FBN1: variants seen among roughly 807,000 people sequenced by gnomAD.
FBN1 encodes fibrillin 1.
In FBN1, 29 loss-of-function variants were observed where a neutral mutation model predicts 365.1. That is an observed-to-expected ratio of 0.08 (90% CI 0.06 to 0.11). The LOEUF (loss-of-function observed/expected upper bound fraction) is 0.11. FBN1 is among the 10% of genes least tolerant of loss of function. The pLI is 1.00. For synonymous variants in FBN1, 1,210 were observed against 1,270.5 expected (o/e 0.95, Z 1.01); for missense variants, 2,476 against 3,703.2 (o/e 0.67, Z 8.60).
chr15:48,422,692 C>T (rs546560995), intron 60 of FBN1, among the ~76,000 whole-genome samples: 2 of 152,350 alleles, frequency 1.3e-5, no homozygotes, highest in South Asian at 2.1e-4. Flanking sequence ...AGCGTGGTGG[C>T]TCATGCCTGT....
rs369745372 is a variant in FBN1, at chr15:48,488,226, C to T, written c.3224G>A (p.Arg1075His). ...ERNCTDIDECRISPDLCGRGQ... is the reference protein window; with the variant it reads ...ERNCTDIDECHISPDLCGRGQ... The stretch of plus-strand genomic sequence containing the variant: ...TCTGCCACAGAGGTCAGGAGATATG[C>T]GGCATTCGTCAATGTCTGCACAAAA... The change falls in exon 27 of 66, where the codon CGC becomes CAC. Residue 1075 changes from arginine (R) to histidine (H), a missense_variant. Coordinates refer to ENST00000316623, the MANE Select transcript of FBN1 (RefSeq NM_000138.5). 22 of 1,614,068 alleles carry T rather than the reference C, an allele frequency of 1.4e-5. No homozygotes were observed. Among genetic ancestry groups the T allele is most frequent in the East Asian group, 8.9e-5 (4 of 44,904 alleles).
intron 53 of FBN1, among the ~76,000 whole-genome samples, chr15:48,435,728 G>GTGTA: frequency 7.0e-6 from 1 of 143,838 alleles, no homozygotes; most frequent in Admixed American, 7.0e-5. Context: ...ATATATATGT[G>GTGTA]TATATATATG....
chr15:48,613,215 G>A lies in FBN1; in HGVS notation c.165-123C>T. On this transcript the variant is annotated intron_variant, in intron 2 of 65. Coordinates refer to ENST00000316623, the MANE Select transcript of FBN1 (RefSeq NM_000138.5). ...AGATGAATCCTGGCAGACAGATAAA[G>A]CAAACTCATGAGACTCAATGCTGGG... The A allele has an allele frequency of 4.0e-6, 3 of 741,826 alleles. No homozygotes were observed. The South Asian group carries it at 4.5e-5, about 11-fold the overall frequency. The allele number at this position is 741,826 out of a possible 1,614,324, so 46.0% of individuals were successfully genotyped here.
chr15:48,415,930 A>G (rs1017450946), intron 63 of FBN1, among the ~76,000 whole-genome samples, 163 bp from the exon 64 acceptor site: 2 of 152,190 alleles, frequency 1.3e-5, no homozygotes, highest in African/African-American at 4.8e-5. Context: ...GCAGAGAAAG[A>G]TGCGGGCATG....
At chr15:48,638,095 C>T (rs1016447023) in intron 2 of FBN1, among the ~76,000 whole-genome samples, 13 of 151,190 alleles carry the variant, frequency 8.6e-5, no homozygotes, top group African/African-American at 3.2e-4. Flanking sequence ...AGTGCAGTGG[C>T]ATGATCATAG....
intron 32 of FBN1, 102 bp from the exon 33 acceptor site, chr15:48,474,752 T>G (rs1279652682): frequency 6.8e-7 from 1 of 1,463,700 alleles, no homozygotes; most frequent in African/African-American, 1.4e-5. Context: ...AAACTTCCCA[T>G]GGTATAGTAT....
chr15:48,481,826 T>C (rs554277895), intron 31 of FBN1, 46 bp from the exon 32 acceptor site: 25 of 1,554,422 alleles, frequency 1.6e-5, no homozygotes, highest in South Asian at 3.3e-5. Context: ...TTTGATATCA[T>C]TGAGTACTTT....
At chr15:48,459,383 C>T (rs1177923423) in intron 43 of FBN1, among the ~76,000 whole-genome samples, 1 of 152,142 alleles carries the variant, frequency 6.6e-6, no homozygotes, top group African/African-American at 2.4e-5. Context: ...ACTGTGGAGC[C>T]ATATGGATTT....
At chr15:48,455,940 G>A (rs950925603) in intron 44 of FBN1, among the ~76,000 whole-genome samples, 3 of 152,116 alleles carry the variant, frequency 2.0e-5, no homozygotes, top group Middle Eastern at 3.2e-3. Context: ...GAGGCCTGAA[G>A]TGTAAGTATT....
At chr15:48,439,280 C>G (rs186920691) in intron 50 of FBN1, among the ~76,000 whole-genome samples, 1 of 152,322 alleles carries the variant, frequency 6.6e-6, no homozygotes, top group East Asian at 1.9e-4. Context: ...GATAAATCAT[C>G]TCTCTAATTT....
intron 4 of FBN1, among the ~76,000 whole-genome samples, chr15:48,609,857 A>T (rs973430701): frequency 3.3e-5 from 5 of 152,266 alleles, no homozygotes; most frequent in Non-Finnish European, 7.3e-5. Context: ...AGACACACTC[A>T]AATGTTCAGA....
chr15:48,485,846 T>C (rs1479416657), intron 29 of FBN1, among the ~76,000 whole-genome samples: 1 of 152,216 alleles, frequency 6.6e-6, no homozygotes, highest in African/African-American at 2.4e-5. Context: ...GGTATTCTAT[T>C]ACAGTATCAC....
intron 2 of FBN1, among the ~76,000 whole-genome samples, chr15:48,635,286 T>G (rs1296301468): frequency 6.6e-6 from 1 of 152,170 alleles, no homozygotes. Flanking sequence ...ATAGAGTCAG[T>G]GATAACTTCA....
Position 48,498,971 on chromosome 15 carries a change from A to G in FBN1, c.2167+14T>C. 6.2e-7 allele frequency: 1 copy of G among 1,613,842 alleles called. No homozygotes were observed. Among genetic ancestry groups the G allele is most frequent in the Non-Finnish European group, 8.5e-7 (1 of 1,179,686 alleles). ...CACATACTGAAGGTAGTAAATTTTG[A>G]AAGGAATCCTTACCACTGCCTGCTG... On this transcript the variant is annotated intron_variant, in intron 18 of 65. Transcript: ENST00000316623.
At position 48,470,767 on chromosome 15, in the gene FBN1, G is replaced by C. The variant is rs201012099; in HGVS notation, c.4337-11C>G. Reference sequence around the variant, plus strand: ...AGCACTCATCAATATCTTGGGGGGAGGGAGAAAAAAGCAAAAAACTTAACT... The same window carrying C: ...AGCACTCATCAATATCTTGGGGGGACGGAGAAAAAAGCAAAAAACTTAACT... On this transcript the variant is annotated splice_polypyrimidine_tract_variant and intron_variant, in intron 35 of 65. Transcript: ENST00000316623. 1 of 1,613,692 alleles carries C rather than the reference G, an allele frequency of 6.2e-7. No individual in the cohort carries two copies. The highest frequency in any genetic ancestry group is 1.3e-5 in the African/African-American group (1 of 74,936).
intron 15 of FBN1, 141 bp from the exon 16 acceptor site, chr15:48,505,288 T>C: frequency 1.0e-6 from 1 of 963,376 alleles, no homozygotes; most frequent in Non-Finnish European, 1.6e-6. Context: ...TCAAATGGCA[T>C]TCTCATTTTC....
intron 50 of FBN1, among the ~76,000 whole-genome samples, chr15:48,439,173 A>T (rs1035711247): frequency 6.6e-6 from 1 of 152,150 alleles, no homozygotes. Flanking sequence ...TAAAGTTTCT[A>T]TCTATCTATC....
intron 2 of FBN1, among the ~76,000 whole-genome samples, chr15:48,624,667 C>A (rs556439679): frequency 6.6e-6 from 1 of 152,212 alleles, no homozygotes; most frequent in Non-Finnish European, 1.5e-5. Flanking sequence ...ACTCTGAAAC[C>A]CCTGGACTTC....
In FBN1 at chr15:48,494,764, G is replaced by A. The variant is rs1330798304; in HGVS notation, c.2677+359C>T. 4.6e-5 allele frequency among the ~76,000 whole-genome samples: 7 copies of A among 152,256 alleles called. No homozygotes were observed. In the East Asian group the frequency reaches 1.2e-3, roughly 25 times the overall value. On this transcript the variant is annotated intron_variant, in intron 22 of 65. Coordinates refer to ENST00000316623, the MANE Select transcript of FBN1 (RefSeq NM_000138.5). ...TTAGAAGTTCACCAGAAACCCTTAT[G>A]AAGTTTAGTCATGAATACCGGTTTC... is the stretch of plus-strand genomic sequence containing the variant.
Sources: gnomAD v4.1 joint callset for allele counts (sites outside exome capture counted in the v4.1 genomes callset) on GRCh38, gnomAD v4.1.1 for gene constraint, MANE v1.5 for transcripts, NCBI Gene and HGNC (gene_info 2026-07-23, HGNC 2026-07-21) for gene names.